SHTN1: variants seen among roughly 807,000 people sequenced by gnomAD.
SHTN1 encodes shootin 1.
SHTN1 carries 42 observed loss-of-function variants against 83.1 expected under a neutral mutation model. The ratio of observed to expected loss-of-function variants is 0.51; its 90% CI spans 0.39 to 0.65. The LOEUF is 0.65. Among genes scored for constraint, SHTN1 ranks in the 30% least tolerant of loss-of-function variants. The pLI is 0.00. For missense variants in SHTN1, 622 were observed against 737.8 expected (o/e 0.84, Z 1.82); for synonymous variants, 224 against 247.7 (o/e 0.90, Z 0.90).
chr10:116,980,548 A>C (rs1850977884), intron 1 of SHTN1, among the ~76,000 whole-genome samples: 1 of 133,972 alleles, frequency 7.5e-6, no homozygotes, highest in Admixed American at 7.2e-5. Context: ...TTTATCTACC[A>C]AAAAAAAAAA....
intron 15 of SHTN1, among the ~76,000 whole-genome samples, chr10:116,906,387 C>T (rs1314418177): frequency 6.6e-6 from 1 of 152,140 alleles, no homozygotes; most frequent in Admixed American, 6.5e-5. Flanking sequence ...TTGCATTAAA[C>T]AAATCAGATC....
chr10:117,051,781 T>C (rs1006234986), intron 1 of SHTN1, among the ~76,000 whole-genome samples: 1 of 151,524 alleles, frequency 6.6e-6, no homozygotes, highest in Non-Finnish European at 1.5e-5. Context: ...TTAAAGGACA[T>C]TCATGAAAGA....
chr10:117,067,181 T>C (rs1186954723), intron 1 of SHTN1, among the ~76,000 whole-genome samples: 1 of 152,196 alleles, frequency 6.6e-6, no homozygotes, highest in Non-Finnish European at 1.5e-5. Context: ...AAAATTGTGC[T>C]GGAGACATTA....
At chr10:116,967,849 T>C (rs980182653) in intron 3 of SHTN1, among the ~76,000 whole-genome samples, 2 of 152,172 alleles carry the variant, frequency 1.3e-5, no homozygotes, top group African/African-American at 4.8e-5. Flanking sequence ...TTAAATACAT[T>C]ATGGTACTAT....
At chr10:117,028,898 C>T (rs1852367023) in intron 2 of SHTN1, among the ~76,000 whole-genome samples, 1 of 152,144 alleles carries the variant, frequency 6.6e-6, no homozygotes, top group African/African-American at 2.4e-5. Flanking sequence ...AATGCAGAGC[C>T]CCCACTGAGG....
rs1847135955 is a variant in SHTN1, at chr10:116,885,414, G to A, written c.*930C>T. ...ATTCACTGTGGTAGCCTGAAACATT[G>A]TATTTTTAGAGACTAACTACTGCTT... is the stretch of plus-strand genomic sequence containing the variant. On this transcript the variant is annotated 3_prime_UTR_variant, in exon 17 of 17. Coordinates refer to ENST00000355371, the MANE Select transcript of SHTN1 (RefSeq NM_001127211.3). 1 of 151,874 alleles carries A rather than the reference G, an allele frequency of 6.6e-6. No individual in the cohort carries two copies. Among genetic ancestry groups the A allele is most frequent in the African/African-American group, 2.4e-5 (1 of 41,180 alleles). 9.4% of individuals were successfully genotyped at this position (151,874 alleles called of 1,614,324 possible).
intron 1 of SHTN1, among the ~76,000 whole-genome samples, chr10:117,119,590 G>T (rs1383651685): frequency 6.6e-6 from 1 of 152,166 alleles, no homozygotes; most frequent in African/African-American, 2.4e-5. Context: ...TACACTGTTG[G>T]TGAGAATGTA....
chr10:117,027,216 C>A (rs1338258960), intron 2 of SHTN1, among the ~76,000 whole-genome samples: 1 of 152,036 alleles, frequency 6.6e-6, no homozygotes, highest in Admixed American at 6.6e-5. Context: ...TTGGAGGTGA[C>A]TGGCTCATGG....
intron 2 of SHTN1, among the ~76,000 whole-genome samples, chr10:117,037,146 A>C (rs533209008): frequency 1.3e-5 from 2 of 152,186 alleles, no homozygotes; most frequent in Non-Finnish European, 2.9e-5. Context: ...ATTTAAGACA[A>C]TATCATTTAT....
chr10:117,037,047 G>A (rs1404254818), intron 2 of SHTN1, among the ~76,000 whole-genome samples: 3 of 152,132 alleles, frequency 2.0e-5, no homozygotes, highest in Non-Finnish European at 2.9e-5. Flanking sequence ...GAACTAATAA[G>A]CATTTATAGC....
At chr10:116,989,709 G>C (rs1469864931) in intron 1 of SHTN1, among the ~76,000 whole-genome samples, 1 of 152,116 alleles carries the variant, frequency 6.6e-6, no homozygotes, top group East Asian at 1.9e-4. Flanking sequence ...GCTTTCCTTT[G>C]TCCTATCACT....
intron 1 of SHTN1, among the ~76,000 whole-genome samples, chr10:116,982,424 C>A (rs911741589): frequency 1.3e-5 from 2 of 151,800 alleles, no homozygotes; most frequent in African/African-American, 4.9e-5. Context: ...CAGACATGCA[C>A]ACACATACAC....
At chr10:116,899,413 GACCAT>G (rs1220461797) in intron 16 of SHTN1, among the ~76,000 whole-genome samples, 1 of 152,016 alleles carries the variant, frequency 6.6e-6, no homozygotes, top group Non-Finnish European at 1.5e-5. Flanking sequence ...TCTTAGAGAA[GACCAT>G]ACTAGGCAGC....
intron 2 of SHTN1, among the ~76,000 whole-genome samples, chr10:116,977,594 A>G (rs1257387267): frequency 3.3e-5 from 5 of 151,920 alleles, no homozygotes; most frequent in Non-Finnish European, 7.4e-5. Context: ...GACATTTGTG[A>G]TTCTGCATGG....
At chr10:117,036,353 T>C (rs1852496679) in intron 2 of SHTN1, among the ~76,000 whole-genome samples, 1 of 152,210 alleles carries the variant, frequency 6.6e-6, no homozygotes, top group Non-Finnish European at 1.5e-5. Flanking sequence ...GTTGCAGCAC[T>C]GTTTGCAATA....
At chr10:117,061,286 A>G (rs555505125) in intron 1 of SHTN1, among the ~76,000 whole-genome samples, 2 of 151,030 alleles carry the variant, frequency 1.3e-5, no homozygotes, top group African/African-American at 4.9e-5. Flanking sequence ...AGCTGGGATT[A>G]CACGCGTTCA....
rs573844588 is a variant in SHTN1, at chr10:116,903,290, T to C, written c.1481-1333A>G. Among the ~76,000 whole-genome samples, 15 of 152,300 alleles carry C rather than the reference T, an allele frequency of 9.8e-5. No homozygotes were observed. The East Asian group carries it at 2.9e-3, about 29-fold the overall frequency. On this transcript the variant is annotated intron_variant, in intron 15 of 16. Coordinates refer to ENST00000355371, the MANE Select transcript of SHTN1 (RefSeq NM_001127211.3). ...GCTCATGCCTGTAATCCCAGCACTT[T>C]GAGAGGCCGAGGCAGGCGGATCGCC...
chr10:117,052,663 T>A (rs1156408180), intron 1 of SHTN1, among the ~76,000 whole-genome samples: 2 of 152,016 alleles, frequency 1.3e-5, no homozygotes, highest in Non-Finnish European at 2.9e-5. Flanking sequence ...TGTTCTAAGA[T>A]CCTTCAATGG....
intron 1 of SHTN1, among the ~76,000 whole-genome samples, chr10:117,052,555 A>T (rs192492534): frequency 5.9e-5 from 9 of 152,282 alleles, no homozygotes; most frequent in African/African-American, 2.2e-4. Context: ...AAGAAAAAAA[A>T]TTGAAACTGG....
Sources: gnomAD v4.1 joint callset for allele counts (sites outside exome capture counted in the v4.1 genomes callset) on GRCh38, gnomAD v4.1.1 for gene constraint, MANE v1.5 for transcripts, NCBI Gene and HGNC (gene_info 2026-07-23, HGNC 2026-07-21) for gene names.